C10orf90: variants seen among roughly 807,000 people sequenced by gnomAD.
C10orf90 encodes (E2-independent) E3 ubiquitin-conjugating enzyme FATS.
In C10orf90, 56 loss-of-function variants were observed where a neutral mutation model predicts 62.5. The observed-to-expected ratio is 0.90, with a 90% CI of 0.72 to 1.12. C10orf90 has a LOEUF of 1.12. Ranked by LOEUF, C10orf90 falls within the 50% of genes most tolerant of loss-of-function variation. The probability of loss-of-function intolerance (pLI) is 0.00; values close to 1 mark genes in which losing one functional copy is unlikely to be tolerated. For synonymous variants in C10orf90, 386 were observed against 340.4 expected, an observed-to-expected ratio of 1.13 and a Z score of -1.47; for missense variants, 970 against 880.4, an observed-to-expected ratio of 1.10 and a Z score of -1.29.
Position 126,633,622 on chromosome 10 carries a change from G to A in C10orf90, c.313+12943C>T, listed in dbSNP as rs760359658. 3.0e-4 allele frequency among the ~76,000 whole-genome samples: 46 copies of A among 152,308 alleles called. 1 individual carries two copies. Among genetic ancestry groups the A allele is most frequent in the African/African-American group, 4.3e-4 (18 of 41,574 alleles). On this transcript the variant is annotated intron_variant, in intron 2 of 9. Coordinates refer to ENST00000488181, the MANE Select transcript of C10orf90 (RefSeq NM_001350921.2). ...CCAACTGTGCATGTTACTAGCAAGC[G>A]GGGAGATGTCCGACTTCCTGGGATG...
intron 2 of C10orf90, among the ~76,000 whole-genome samples, chr10:126,592,951 T>C (rs1219134751): frequency 6.6e-6 from 1 of 152,186 alleles, no homozygotes; most frequent in South Asian, 2.1e-4. Flanking sequence ...TCAACTTCAC[T>C]GATCATTAGA....
At chr10:126,548,682 C>A (rs1248088300) in intron 2 of C10orf90, among the ~76,000 whole-genome samples, 1 of 151,760 alleles carries the variant, frequency 6.6e-6, no homozygotes, top group Non-Finnish European at 1.5e-5. Context: ...CCCATCTTTA[C>A]CAAAAACTAA....
intron 2 of C10orf90, among the ~76,000 whole-genome samples, chr10:126,543,307 C>T (rs1564864832): frequency 6.6e-6 from 1 of 152,114 alleles, no homozygotes; most frequent in Non-Finnish European, 1.5e-5. Context: ...GTTCTTTCAT[C>T]TGAAAAATGG....
intron 2 of C10orf90, among the ~76,000 whole-genome samples, chr10:126,561,534 G>C (rs1864898634): frequency 6.6e-6 from 1 of 152,128 alleles, no homozygotes; most frequent in African/African-American, 2.4e-5. Context: ...CCAGAATCGG[G>C]TTGGAGGACT....
At chr10:126,531,844 CCA>C (rs2133956066) in intron 2 of C10orf90, among the ~76,000 whole-genome samples, 2 of 152,234 alleles carry the variant, frequency 1.3e-5, no homozygotes, top group South Asian at 4.1e-4. Context: ...AAAAGGGAAG[CCA>C]CAGACTGGGA....
chr10:126,574,038 T>A (rs1384708569), intron 2 of C10orf90, among the ~76,000 whole-genome samples: 1 of 152,178 alleles, frequency 6.6e-6, no homozygotes, highest in East Asian at 1.9e-4. Context: ...CAAATTCTAG[T>A]AGTCAAATAT....
rs553872794 is a variant in C10orf90 at position 126,428,521 on chromosome 10, G to A, written c.2252+1266C>T. On this transcript the variant is annotated intron_variant, in intron 8 of 9. Transcript: ENST00000488181. The stretch of plus-strand genomic sequence containing the variant: ...AACCCAGCTGCTAAATCCACCAGAG[G>A]AGACCAGCTGGGGGAAGCCAGTTAC... Among the ~76,000 whole-genome samples the A allele has an allele frequency of 1.2e-4, 18 of 152,258 alleles. No individual in the cohort carries two copies. The South Asian group carries it at 3.5e-3, about 30-fold the overall frequency.
At chr10:126,534,523 C>T (rs540394245) in intron 2 of C10orf90, among the ~76,000 whole-genome samples, 3 of 152,294 alleles carry the variant, frequency 2.0e-5, no homozygotes, top group Admixed American at 2.0e-4. Flanking sequence ...GGGTGACCTG[C>T]TCTCTCCTTT....
At chr10:126,605,868 AATACATACATGC>A (rs1051427460) in intron 2 of C10orf90, among the ~76,000 whole-genome samples, 4 of 137,608 alleles carry the variant, frequency 2.9e-5, no homozygotes, top group African/African-American at 1.2e-4. Context: ...AAAACCTAAA[AATACATACATGC>A]ATACATACAT....
intron 2 of C10orf90, among the ~76,000 whole-genome samples, chr10:126,635,769 C>T (rs1237580231): frequency 6.6e-6 from 1 of 152,208 alleles, no homozygotes; most frequent in Non-Finnish European, 1.5e-5. Context: ...GCCAGAGCTC[C>T]TCCACTTTAA....
intron 2 of C10orf90, among the ~76,000 whole-genome samples, chr10:126,559,989 G>A (rs1324846559): frequency 2.6e-5 from 4 of 152,286 alleles, no homozygotes; most frequent in East Asian, 3.9e-4. Flanking sequence ...ATATTTGGCC[G>A]TTTCAAGTTC....
At chr10:126,614,722 G>A (rs763104568) in intron 2 of C10orf90, among the ~76,000 whole-genome samples, 1 of 152,178 alleles carries the variant, frequency 6.6e-6, no homozygotes, top group Non-Finnish European at 1.5e-5. Flanking sequence ...AGAGAGGGGC[G>A]TTGCTCGATG....
At chr10:126,568,212 C>T (rs1844432596) in intron 2 of C10orf90, among the ~76,000 whole-genome samples, 2 of 152,162 alleles carry the variant, frequency 1.3e-5, no homozygotes, top group African/African-American at 4.8e-5. Flanking sequence ...GAAGTCAGGC[C>T]GGACCCAACC....
intron 2 of C10orf90, 75 bp downstream of exon 2, chr10:126,646,490 A>G: frequency 3.1e-6 from 1 of 323,546 alleles, no homozygotes; most frequent in South Asian, 2.4e-5. Context: ...TATTAATAAA[A>G]ATAAAAGAGA....
intron 2 of C10orf90, chr10:126,521,555 G>C: frequency 1.0e-6 from 1 of 979,296 alleles, no homozygotes. Context: ...AGCCCACCTT[G>C]TGACATTTCT....
intron 2 of C10orf90, among the ~76,000 whole-genome samples, chr10:126,569,620 C>G (rs1844464055): frequency 1.3e-5 from 2 of 152,060 alleles, no homozygotes; most frequent in Non-Finnish European, 2.9e-5. Flanking sequence ...GAAGCAGAAG[C>G]CAGGGTGAAC....
chr10:126,446,259 T>C (rs950125683), intron 7 of C10orf90, among the ~76,000 whole-genome samples: 5 of 152,062 alleles, frequency 3.3e-5, no homozygotes, highest in Non-Finnish European at 5.9e-5. Flanking sequence ...GGGGAAGATA[T>C]AAACGTCCAG....
At chr10:126,597,167 T>C (rs2134035747) in intron 2 of C10orf90, among the ~76,000 whole-genome samples, 2 of 152,356 alleles carry the variant, frequency 1.3e-5, no homozygotes, top group South Asian at 4.1e-4. Context: ...GTTAAATATA[T>C]GTTTACATGT....
intron 7 of C10orf90, among the ~76,000 whole-genome samples, chr10:126,430,941 C>T (rs556988943): frequency 5.9e-5 from 9 of 152,254 alleles, no homozygotes; most frequent in African/African-American, 2.2e-4. Context: ...GAAATTTCTT[C>T]CTCTCTGGAG....
Sources: allele counts gnomAD v4.1 joint callset (sites outside exome capture counted in the v4.1 genomes callset), GRCh38; gene constraint gnomAD v4.1.1; transcripts MANE v1.5; gene names NCBI Gene and HGNC (gene_info 2026-07-23, HGNC 2026-07-21).